MIB2: variants seen among roughly 807,000 people sequenced by gnomAD.
MIB2 encodes E3 ubiquitin-protein ligase MIB2.
MIB2 carries 78 observed loss-of-function variants against 96.6 expected under a neutral mutation model. The observed-to-expected ratio is 0.81, with a 90% CI of 0.67 to 0.97. The LOEUF is 0.97. Among genes scored for constraint, MIB2 ranks in the 50% least tolerant of loss-of-function variants. The pLI, the probability that MIB2 is intolerant of heterozygous loss-of-function variation, is 0.00. For synonymous variants in MIB2, 820 were observed against 629.5 expected, an observed-to-expected ratio of 1.30 and a Z score of -4.53; for missense variants, 1,543 against 1,424.0, an observed-to-expected ratio of 1.08 and a Z score of -1.35.
At chr1:1,615,844 C>A (rs1643577637) in intron 1 of MIB2, 1 of 1,227,738 alleles carries the variant, frequency 8.1e-7, no homozygotes, top group South Asian at 2.7e-5. Context: ...CGGCCACCCG[C>A]GCGGGACTCC....
Position 1,629,402 on chromosome 1 carries a change from G to C in MIB2, c.2399G>C (p.Gly800Ala), listed in dbSNP as rs1638259024. Residue 800 changes from glycine to alanine, a missense_variant, in exon 18 of 20, where the codon GGG becomes GCG. By Grantham distance (60) the Gly-to-Ala change is moderately conservative. Transcript: ENST00000355826. ...AQRFRERQAG[G>A]GAAPGPRQTL... ...CCCTGCAGGGAGCGGCAGGCGGGCG[G>C]GGGCGCGGCCCCGGGCCCCAGGCAA... is the stretch of plus-strand genomic sequence containing the variant. The C allele has an allele frequency of 6.9e-7, 1 of 1,447,454 alleles. No individual in the cohort carries two copies. Among genetic ancestry groups the C allele is most frequent in the Non-Finnish European group, 9.0e-7 (1 of 1,112,450 alleles). 89.7% of individuals were successfully genotyped at this position (1,447,454 alleles called of 1,614,324 possible).
chr1:1,614,279 C>T (rs1344807083), upstream of MIB2: 1 of 152,210 alleles, frequency 6.6e-6, no homozygotes, highest in African/African-American at 2.4e-5. Flanking sequence ...CAGGCCTCCT[C>T]ACAAGACGCT....
chr1:1,620,653 T>C (rs1316643027), intron 2 of MIB2, among the ~76,000 whole-genome samples: 1 of 152,236 alleles, frequency 6.6e-6, no homozygotes, highest in Non-Finnish European at 1.5e-5. Context: ...TGCCATTCTG[T>C]GGCGAAGGTC....
chr1:1,629,341 C>G, intron 17 of MIB2, 30 bp downstream of exon 17: 1 of 1,444,796 alleles, frequency 6.9e-7, no homozygotes, highest in South Asian at 1.5e-5. Context: ...GGATGGGGTC[C>G]GGCGGCCTCC....
chr1:1,625,472 G>T lies in MIB2; in HGVS notation c.864+44G>T. On this transcript the variant is annotated intron_variant, in intron 7 of 19. Coordinates refer to ENST00000355826, the MANE Select transcript of MIB2 (RefSeq NM_001170687.4). This position sits in a 1 kb window ranked among gnomAD's most constrained non-coding sequence, Gnocchi z 5.0. ...GAGCCCTGTGTGCCCTGCCCTCCCA[G>T]CCCTCCGCCCCCTCAGCCCCTTCCT... 3 of 1,218,578 alleles carry T rather than the reference G, an allele frequency of 2.5e-6. No homozygotes were observed. The highest frequency in any genetic ancestry group is 3.4e-6 in the Non-Finnish European group (3 of 877,032). The allele number at this position is 1,218,578 out of a possible 1,614,324, so 75.5% of individuals were successfully genotyped here. A position where few individuals can be genotyped will look rare whatever the true frequency, so the allele number is the denominator to read the frequency against.
Position 1,625,050 on chromosome 1 carries a change from C to T in MIB2, c.586C>T (p.Arg196Trp), listed in dbSNP as rs560855819. 50 of 1,613,172 alleles carry T rather than the reference C, an allele frequency of 3.1e-5. No homozygotes were observed. The Admixed American group carries it at 3.8e-4, about 12-fold the overall frequency. The change falls in exon 6 of 20, where the codon CGG (arginine) becomes TGG (tryptophan). Residue 196 changes from arginine to tryptophan, a missense_variant. Arg to Trp is a moderately radical substitution (Grantham distance 101). Coordinates refer to ENST00000355826, the MANE Select transcript of MIB2 (RefSeq NM_001170687.4). The surrounding 1 kb of genome is among the most constrained non-coding windows in gnomAD (Gnocchi z 5.0). ...DIRGWDVETG[R>W]SVASVTWADG... ...CCGTGGCTGGGATGTGGAGACAGGC[C>T]GGAGTGTGGCCAGCGTGACGTGGGC...
chr1:1,629,207 G>C lies in MIB2; in HGVS notation c.2277G>C (p.Glu759Asp). ...GAAVACFLAL[E>D]GADVSYTNHR... ...CGGTCGCCTGCTTCCTGGCGCTGGA[G>C]GGCGCCGACGTGAGCTACACCAACC... Residue 759 changes from glutamate (E) to aspartate (D), a missense_variant, in exon 17 of 20, where the codon GAG becomes GAC. Glu to Asp is a conservative substitution (Grantham distance 45). Transcript: ENST00000355826. The C allele has an allele frequency of 1.3e-6, 2 of 1,527,410 alleles. No individual in the cohort carries two copies. The highest frequency in any genetic ancestry group is 8.7e-7 in the Non-Finnish European group (1 of 1,146,690). The allele number at this position is 1,527,410 out of a possible 1,614,324, so 94.6% of individuals were successfully genotyped here. A position where few individuals can be genotyped will look rare whatever the true frequency, so the allele number is the denominator to read the frequency against.
At chr1:1,616,850 G>A (rs941528358) in intron 2 of MIB2, 7 of 457,506 alleles carry the variant, frequency 1.5e-5, no homozygotes, top group African/African-American at 1.3e-4. Context: ...CGGCCGCAGC[G>A]CAGGAGCGCC....
chr1:1,616,131 C>T (rs1643623500), intron 1 of MIB2: 1 of 978,236 alleles, frequency 1.0e-6, no homozygotes, highest in African/African-American at 1.8e-5. Flanking sequence ...GGTCTGGCAG[C>T]GGACAGGGCC....
chr1:1,625,531 CA>C lies in MIB2; in HGVS notation c.865-14del, dbSNP rs1440803593. On this transcript the variant is annotated splice_polypyrimidine_tract_variant and intron_variant, in intron 7 of 19. Coordinates refer to ENST00000355826, the MANE Select transcript of MIB2 (RefSeq NM_001170687.4). The surrounding 1 kb of genome is among the most constrained non-coding windows in gnomAD (Gnocchi z 5.0). ...GTCCAGCCCGACCCAGCCACAGCTC[CA>C]TGACCCGCCACAGTTTATCGGACAG... is the stretch of plus-strand genomic sequence containing the variant. 11 of 1,557,254 alleles carry C rather than the reference CA, an allele frequency of 7.1e-6. No individual in the cohort carries two copies. Among genetic ancestry groups the C allele is most frequent in the Non-Finnish European group, 9.6e-6 (11 of 1,150,048 alleles).
chr1:1,615,883 G>A, intron 1 of MIB2: 2 of 1,070,094 alleles, frequency 1.9e-6, no homozygotes, highest in East Asian at 7.5e-5. Flanking sequence ...CGCGGCCCGG[G>A]GCCAGCGGCG....
rs1378602107 is a variant in MIB2, at chr1:1,616,541, CAA to C, written c.-94_-93del. On this transcript the variant is annotated 5_prime_UTR_variant, in exon 2 of 20. Coordinates refer to ENST00000355826, the MANE Select transcript of MIB2 (RefSeq NM_001170687.4). ...GCCCAGCGAGGCTAGAGGCCAGTCC[CAA>C]AGTTTCCAGGCATCAGGGCTGCAGC... The C allele has an allele frequency of 3.1e-6, 5 of 1,603,252 alleles. No individual in the cohort carries two copies. In the African/African-American group the frequency reaches 6.7e-5, roughly 22 times the overall value.
At position 1,627,663 on chromosome 1, in the gene MIB2, C is replaced by T. The variant is rs773425869; in HGVS notation, c.1524-10C>T. 1.9e-6 allele frequency: 3 copies of T among 1,590,410 alleles called. No homozygotes were observed. The highest frequency in any genetic ancestry group is 1.7e-5 in the Admixed American group (1 of 58,968). Reference sequence around the variant, plus strand: ...CGGCGCCCTCCCTCTCCCACTTCCTCTCCTGTCAGGAACCAGCCCGAGGCC... The same window carrying T: ...CGGCGCCCTCCCTCTCCCACTTCCTTTCCTGTCAGGAACCAGCCCGAGGCC... On this transcript the variant is annotated splice_polypyrimidine_tract_variant and intron_variant, in intron 12 of 19. Transcript: ENST00000355826.
chr1:1,630,397 C>G lies in MIB2; in HGVS notation c.2735C>G (p.Pro912Arg), dbSNP rs1463081846. Residue 912 changes from proline (P) to arginine (R), a missense_variant, in exon 20 of 20, where the codon CCC (proline) becomes CGC (arginine). Coordinates refer to ENST00000355826, the MANE Select transcript of MIB2 (RefSeq NM_001170687.4). ...CAGATGGAGGAACGCATCACCTGCC[C>G]CATCTGCATCGACAGCCACATCCGC... Reference protein sequence around the residue: ...YRQMEERITCPICIDSHIRLV... With the variant: ...YRQMEERITCRICIDSHIRLV... 1.3e-6 allele frequency: 2 copies of G among 1,569,974 alleles called. No individual in the cohort carries two copies. The highest frequency in any genetic ancestry group is 2.4e-5 in the East Asian group (1 of 41,926).
intron 2 of MIB2, among the ~76,000 whole-genome samples, chr1:1,620,948 G>A (rs1291573952): frequency 5.3e-5 from 8 of 152,272 alleles, no homozygotes; most frequent in Non-Finnish European, 1.0e-4. Flanking sequence ...CTGGCCGGTG[G>A]AACTGTGTCC....
intron 1 of MIB2, chr1:1,616,108 G>A: frequency 2.0e-6 from 2 of 983,882 alleles, no homozygotes; most frequent in Non-Finnish European, 2.4e-6. Flanking sequence ...CAGGTACTGC[G>A]CGGCCCTGGC....
chr1:1,620,925 C>T (rs987853388), intron 2 of MIB2, among the ~76,000 whole-genome samples: 1 of 152,224 alleles, frequency 6.6e-6, no homozygotes, highest in African/African-American at 2.4e-5. Context: ...CCAGGTGGGG[C>T]CATGGAGCTG....
intron 1 of MIB2, chr1:1,616,190 C>T (rs999553990): frequency 2.9e-5 from 24 of 828,476 alleles, no homozygotes; most frequent in Non-Finnish European, 2.8e-5. Context: ...GCGGGGCGCG[C>T]TCCGGGTGGG....
upstream of MIB2, chr1:1,614,105 T>C (rs1460956413): frequency 6.6e-6 from 1 of 152,246 alleles, no homozygotes; most frequent in East Asian, 1.9e-4. Context: ...GGTTTTATAC[T>C]GTAGCAGTGA....
Sources: gnomAD v4.1 joint callset for allele counts (sites outside exome capture counted in the v4.1 genomes callset) on GRCh38, gnomAD v4.1.1 for gene constraint, Gnocchi (gnomAD v3.1) non-coding constraint, MANE v1.5 for transcripts, NCBI Gene and HGNC (gene_info 2026-07-23, HGNC 2026-07-21) for gene names.